Variants in IPCEF1 observed in about 807,000 individuals in gnomAD.
IPCEF1 encodes interactor protein for cytohesin exchange factors 1.
IPCEF1 carries 31 observed loss-of-function variants against 50.9 expected under a neutral mutation model. The observed-to-expected ratio is 0.61, with a 90% CI of 0.46 to 0.82. The LOEUF (loss-of-function observed/expected upper bound fraction) is 0.82. Among genes scored for constraint, IPCEF1 ranks in the 40% least tolerant of loss-of-function variants. The probability of loss-of-function intolerance (pLI) is 0.00; values close to 1 mark genes in which losing one functional copy is unlikely to be tolerated. For synonymous variants in IPCEF1, 181 were observed against 192.0 expected, an observed-to-expected ratio of 0.94 and a Z score of 0.47; for missense variants, 458 against 514.0, an observed-to-expected ratio of 0.89 and a Z score of 1.05.
At chr6:154,342,255 GT>G (rs1434785748) in intron 1 of IPCEF1, among the ~76,000 whole-genome samples, 2 of 152,096 alleles carry the variant, frequency 1.3e-5, no homozygotes, top group African/African-American at 4.8e-5. Flanking sequence ...ATTTTCCCAG[GT>G]ACAGAACAAA....
intron 9 of IPCEF1, among the ~76,000 whole-genome samples, chr6:154,207,926 C>T (rs1777633795): frequency 6.6e-6 from 1 of 152,174 alleles, no homozygotes; most frequent in African/African-American, 2.4e-5. Context: ...ACCTTCCAAA[C>T]GGATTCAAAA....
chr6:154,337,778 A>G (rs982180272), intron 1 of IPCEF1, among the ~76,000 whole-genome samples: 1 of 152,194 alleles, frequency 6.6e-6, no homozygotes, highest in Admixed American at 6.5e-5. Flanking sequence ...TGAGAAGAAA[A>G]CTAGCTCTGA....
At chr6:154,311,435 T>A (rs1157436425) in intron 1 of IPCEF1, among the ~76,000 whole-genome samples, 2 of 152,202 alleles carry the variant, frequency 1.3e-5, no homozygotes, top group Non-Finnish European at 2.9e-5. Flanking sequence ...TGTTGAATTA[T>A]CACCAATGCT....
intron 3 of IPCEF1, among the ~76,000 whole-genome samples, chr6:154,248,334 T>TA (rs1454693154): frequency 1.3e-5 from 2 of 151,884 alleles, no homozygotes; most frequent in African/African-American, 2.4e-5. Context: ...TGTGTGTGTG[T>TA]GTGTAGAGAG....
At chr6:154,166,568 C>G (rs772107809) in intron 11 of IPCEF1, among the ~76,000 whole-genome samples, 18 of 152,224 alleles carry the variant, frequency 1.2e-4, no homozygotes, top group Non-Finnish European at 1.8e-4. Flanking sequence ...CACTGTCCCC[C>G]TTGGACCACC....
rs1188755387 is a variant in IPCEF1 at position 154,168,687 on chromosome 6, C to T, written c.911-574G>A. ...ATGGCACAATCTTGGCTCACTGAAA[C>T]CTACACCTCCCAGGTTCAAGTGATT... is the stretch of plus-strand genomic sequence containing the variant. On this transcript the variant is annotated intron_variant, in intron 10 of 11. Transcript: ENST00000367220. The surrounding 1 kb of genome is among the most constrained non-coding windows in gnomAD (Gnocchi z 4.1). Among the ~76,000 whole-genome samples, 1 of 151,902 alleles carries T rather than the reference C, an allele frequency of 6.6e-6. No individual in the cohort carries two copies. The highest frequency in any genetic ancestry group is 6.6e-5 in the Admixed American group (1 of 15,246).
rs73571082 is a variant in IPCEF1, at chr6:154,352,187, A to G, written c.-62+4485T>C. On this transcript the variant is annotated intron_variant, in intron 1 of 11. Transcript: ENST00000367220. ...AAATTGTAAATGTAACTAAATGTAA[A>G]TGTAAACTAAAAGGTAAAAATAAAA... Among the ~76,000 whole-genome samples, 322 of 152,378 alleles carry G rather than the reference A, an allele frequency of 2.1e-3. 1 individual carries two copies. Among genetic ancestry groups the G allele is most frequent in the African/African-American group, 7.5e-3 (311 of 41,588 alleles).
At chr6:154,264,700 A>AT (rs1237807883) in intron 3 of IPCEF1, among the ~76,000 whole-genome samples, 2 of 151,804 alleles carry the variant, frequency 1.3e-5, no homozygotes, top group African/African-American at 4.8e-5. Context: ...AGTTTCCTGC[A>AT]TTTTTTTTCA....
intron 1 of IPCEF1, among the ~76,000 whole-genome samples, chr6:154,328,061 C>T (rs1783565290): frequency 6.6e-6 from 1 of 151,946 alleles, no homozygotes; most frequent in Non-Finnish European, 1.5e-5. Context: ...TGGGGCCTGT[C>T]AGAGGAGGGT....
At chr6:154,308,084 A>C (rs1490170572) in intron 1 of IPCEF1, among the ~76,000 whole-genome samples, 2 of 152,220 alleles carry the variant, frequency 1.3e-5, no homozygotes, top group Non-Finnish European at 2.9e-5. Flanking sequence ...AGTAGTAAAT[A>C]GTGGAAAGAA....
intron 10 of IPCEF1, among the ~76,000 whole-genome samples, chr6:154,193,885 C>T (rs1338359272): frequency 2.0e-5 from 3 of 152,132 alleles, no homozygotes; most frequent in Admixed American, 6.5e-5. Context: ...ACAAAAAGTG[C>T]TCAAAAAACT....
At chr6:154,197,470 A>G (rs1015021004) in intron 10 of IPCEF1, among the ~76,000 whole-genome samples, 2 of 152,190 alleles carry the variant, frequency 1.3e-5, no homozygotes, top group Admixed American at 1.3e-4. Context: ...CAACAAATCA[A>G]TGAGAGAAAA....
intron 5 of IPCEF1, among the ~76,000 whole-genome samples, chr6:154,239,009 CCT>C (rs1780367086): frequency 6.6e-6 from 1 of 151,912 alleles, no homozygotes; most frequent in African/African-American, 2.4e-5. Context: ...AGCTGTATCC[CCT>C]GAGTGGGCAT....
At chr6:154,313,067 C>CAAAAAAAAAAAAAAAAAAAAA (rs71021040) in intron 1 of IPCEF1, among the ~76,000 whole-genome samples, 2 of 59,036 alleles carry the variant, frequency 3.4e-5, no homozygotes, top group African/African-American at 1.0e-4. Flanking sequence ...GGCCCTGTCT[C>CAAAAAAAAAAAAAAAAAAAAA]AAAAAAAAAA....
chr6:154,236,880 G>A lies in IPCEF1; in HGVS notation c.246+9711C>T, dbSNP rs548333436. ...TAGAGATTCTACATTGTGAGCCCAG[G>A]GTTATCTTCCCCTGCAGCGTGCCTT... On this transcript the variant is annotated intron_variant, in intron 5 of 11. Transcript: ENST00000367220. Among the ~76,000 whole-genome samples the A allele has an allele frequency of 2.6e-4, 40 of 152,198 alleles. No homozygotes were observed. The South Asian group carries it at 6.9e-3, about 26-fold the overall frequency.
rs1491491022 is a variant in IPCEF1 at position 154,198,663 on chromosome 6, C to CACA, written c.910+1004_910+1005insTGT. The stretch of plus-strand genomic sequence containing the variant: ...ACACACACACACACACACACACACA[C>CACA]AACTTGTTCTGCAGTTGTGATCCTT... On this transcript the variant is annotated intron_variant, in intron 10 of 11. Transcript: ENST00000367220. Among the ~76,000 whole-genome samples the CACA allele has an allele frequency of 1.5e-4, 22 of 150,348 alleles. 1 individual carries two copies. The highest frequency in any genetic ancestry group is 2.6e-4 in the Admixed American group (4 of 15,148).
At chr6:154,215,073 G>A (rs1778278213) in intron 7 of IPCEF1, among the ~76,000 whole-genome samples, 1 of 152,126 alleles carries the variant, frequency 6.6e-6, no homozygotes, top group Non-Finnish European at 1.5e-5. Context: ...GCTTATTTCT[G>A]TACCTATTTT....
chr6:154,322,764 G>C (rs1398683029), intron 1 of IPCEF1, among the ~76,000 whole-genome samples: 1 of 151,988 alleles, frequency 6.6e-6, no homozygotes, highest in Non-Finnish European at 1.5e-5. Context: ...TTGAGCCGGG[G>C]AGGTGGAGGT....
chr6:154,350,072 A>G (rs935411001), intron 1 of IPCEF1, among the ~76,000 whole-genome samples: 1 of 152,166 alleles, frequency 6.6e-6, no homozygotes, highest in Non-Finnish European at 1.5e-5. Flanking sequence ...TCATTAAAGT[A>G]CTTATGCAGG....
Sources: gnomAD v4.1 joint callset for allele counts (sites outside exome capture counted in the v4.1 genomes callset) on GRCh38, gnomAD v4.1.1 for gene constraint, Gnocchi (gnomAD v3.1) non-coding constraint, MANE v1.5 for transcripts, NCBI Gene and HGNC (gene_info 2026-07-23, HGNC 2026-07-21) for gene names.